KRABD3: variants seen among roughly 807,000 people sequenced by gnomAD.
The protein encoded by KRABD3 is KRAB domain-containing protein 3.
At chr7:149,722,843 T>G in the KRABD3 span, 1 of 1,613,316 alleles carries the variant, frequency 6.2e-7, no homozygotes, top group Non-Finnish European at 8.5e-7. Context: ...GAAATCCTTG[T>G]GCCTGGGCCC....
the KRABD3 span, among the ~76,000 whole-genome samples, chr7:149,719,087 G>A: frequency 6.6e-6 from 1 of 152,348 alleles, no homozygotes; most frequent in Admixed American, 6.5e-5. This position sits in a 1 kb window ranked among gnomAD's most constrained non-coding sequence, Gnocchi z 5.6. Flanking sequence ...CACTCCCTCT[G>A]AAGGCTCTGG....
chr7:149,729,196 G>A, the KRABD3 span: 1 of 1,539,964 alleles, frequency 6.5e-7, no homozygotes, highest in African/African-American at 1.4e-5. Context: ...AGGACTGAGG[G>A]CTGAGGCCTG....
the KRABD3 span, chr7:149,733,993 C>T: frequency 7.5e-6 from 12 of 1,610,718 alleles, no homozygotes; most frequent in African/African-American, 9.3e-5. Context: ...AGAGGGCCCT[C>T]CAGGAAGAAC....
chr7:149,728,547 T>C, the KRABD3 span: 7 of 1,613,652 alleles, frequency 4.3e-6, no homozygotes, highest in Non-Finnish European at 5.9e-6. Context: ...AGCTCCCCAC[T>C]GCAGGGTCTG....
the KRABD3 span, chr7:149,721,333 T>C: frequency 9.7e-4 from 1,497 of 1,542,178 alleles, 11 homozygotes; most frequent in East Asian, 6.9e-3. Context: ...AGTGTGACAA[T>C]GTTAGGGGCA....
the KRABD3 span, chr7:149,733,927 A>G: frequency 6.3e-7 from 1 of 1,595,052 alleles, no homozygotes; most frequent in Non-Finnish European, 8.5e-7. Context: ...CAGGAGTGGC[A>G]CCAGACGGGA....
chr7:149,720,050 C>A, the KRABD3 span: 1 of 1,552,728 alleles, frequency 6.4e-7, no homozygotes, highest in Non-Finnish European at 8.7e-7. Context: ...CTGTCACCCT[C>A]AGAGCCTGGA....
the KRABD3 span, among the ~76,000 whole-genome samples, chr7:149,717,748 A>C: frequency 2.2e-3 from 329 of 152,310 alleles, 1 homozygote; most frequent in African/African-American, 6.9e-3. Flanking sequence ...GCATGGGACA[A>C]GTTATCAGCT....
the KRABD3 span, among the ~76,000 whole-genome samples, chr7:149,716,713 C>T: frequency 1.3e-5 from 2 of 152,252 alleles, no homozygotes; most frequent in African/African-American, 2.4e-5. Context: ...TAGTCTGGAG[C>T]GAGAGAGACA....
chr7:149,729,205 T>C, the KRABD3 span: 1 of 1,564,400 alleles, frequency 6.4e-7, no homozygotes, highest in Non-Finnish European at 8.6e-7. Context: ...GGCTGAGGCC[T>C]GCGAGTCAGC....
the KRABD3 span, chr7:149,723,710 G>A: frequency 1.3e-6 from 2 of 1,569,854 alleles, no homozygotes; most frequent in Non-Finnish European, 8.6e-7. Flanking sequence ...AGCTCCAGGT[G>A]AAAACATGTT....
chr7:149,732,816 CCCACGG>C, the KRABD3 span, among the ~76,000 whole-genome samples: 2 of 152,028 alleles, frequency 1.3e-5, no homozygotes, highest in African/African-American at 4.8e-5. This position sits in a 1 kb window ranked among gnomAD's most constrained non-coding sequence, Gnocchi z 4.0. Flanking sequence ...TCCTGGTGCT[CCCACGG>C]CCTTGGCCTC....
chr7:149,722,227 G>A, the KRABD3 span: 1 of 261,916 alleles, frequency 3.8e-6, no homozygotes, highest in Non-Finnish European at 5.9e-6. Flanking sequence ...GGAAGGGTCT[G>A]GGAGTGTTCA....
the KRABD3 span, chr7:149,725,315 C>T: frequency 6.3e-7 from 1 of 1,579,562 alleles, no homozygotes; most frequent in Non-Finnish European, 8.6e-7. Context: ...CCTGTTCCAG[C>T]TGCCAGTGCC....
At chr7:149,722,725 C>A in the KRABD3 span, 4 of 1,535,472 alleles carry the variant, frequency 2.6e-6, no homozygotes, top group African/African-American at 5.5e-5. Context: ...TGCCTGCCAG[C>A]GCTCCCGGTG....
the KRABD3 span, among the ~76,000 whole-genome samples, chr7:149,726,346 C>T: frequency 4.6e-5 from 7 of 152,156 alleles, no homozygotes; most frequent in African/African-American, 1.7e-4. Flanking sequence ...CCTGTACTCC[C>T]AGCACTTTGG....
the KRABD3 span, among the ~76,000 whole-genome samples, chr7:149,727,304 G>T: frequency 6.6e-6 from 1 of 152,236 alleles, no homozygotes; most frequent in Non-Finnish European, 1.5e-5. Flanking sequence ...GAACAGGCCT[G>T]GGGCCTGCCA....
the KRABD3 span, chr7:149,734,124 C>G: frequency 6.7e-7 from 1 of 1,494,900 alleles, no homozygotes; most frequent in East Asian, 2.4e-5. Context: ...CACCCCACCC[C>G]AGGCCACCCT....
the KRABD3 span, among the ~76,000 whole-genome samples, chr7:149,723,197 G>A: frequency 6.6e-6 from 1 of 152,200 alleles, no homozygotes; most frequent in East Asian, 1.9e-4. Flanking sequence ...CTCCTGACTT[G>A]GGACCCGAGG....
Sources: gnomAD v4.1 joint callset for allele counts (sites outside exome capture counted in the v4.1 genomes callset) on GRCh38, gnomAD v4.1.1 for gene constraint, Gnocchi (gnomAD v3.1) non-coding constraint, MANE v1.5 for transcripts, NCBI Gene and HGNC (gene_info 2026-07-23, HGNC 2026-07-21) for gene names.